Variants in RAB5A observed in about 807,000 individuals in gnomAD.
RAB5A encodes ras-related protein Rab-5A.
Under a neutral mutation model 25.7 loss-of-function variants are expected in RAB5A, and 8 were observed. The ratio of observed to expected loss-of-function variants is 0.31; its 90% confidence interval spans 0.18 to 0.56. RAB5A has a LOEUF of 0.56. Ranked by LOEUF, RAB5A falls within the 20% of genes least tolerant of loss-of-function variation. The pLI is 0.91. For missense variants in RAB5A, 192 were observed against 259.7 expected, an observed-to-expected ratio of 0.74 and a Z score of 1.79; for synonymous variants, 98 against 89.8, an observed-to-expected ratio of 1.09 and a Z score of -0.52.
intron 2 of RAB5A, among the ~76,000 whole-genome samples, chr3:19,956,634 A>G (rs1444086048): frequency 9.2e-5 from 14 of 152,230 alleles, no homozygotes; most frequent in Non-Finnish European, 1.6e-4. Context: ...TTTCAAAGTT[A>G]TTATTAACAT....
chr3:19,977,839 A>G (rs1696850103), intron 4 of RAB5A, among the ~76,000 whole-genome samples: 1 of 152,206 alleles, frequency 6.6e-6, no homozygotes, highest in Non-Finnish European at 1.5e-5. Context: ...ATGATTTATG[A>G]TATATTCAAG....
intron 2 of RAB5A, among the ~76,000 whole-genome samples, chr3:19,956,393 G>C (rs1337019918): frequency 2.0e-5 from 3 of 152,170 alleles, no homozygotes; most frequent in Non-Finnish European, 4.4e-5. Context: ...AGCGGAGGTT[G>C]CAGTGAGCCG....
chr3:19,947,980 A>C (rs1696353069), intron 1 of RAB5A: 1 of 152,224 alleles, frequency 6.6e-6, no homozygotes, highest in African/African-American at 2.4e-5. Flanking sequence ...ACCTGGGCCT[A>C]CTGCAGGTGT....
rs1696317795 is a variant in RAB5A at position 19,947,264 on chromosome 3, C to CG, written c.-350dup. 1.9e-5 allele frequency: 3 copies of CG among 160,264 alleles called. No homozygotes were observed. Among genetic ancestry groups the CG allele is most frequent in the Admixed American group, 7.4e-5 (1 of 13,450 alleles). 9.9% of individuals were successfully genotyped at this position (160,264 alleles called of 1,614,324 possible). ...GAGGAAGAATTAGTCGGAACTCCAG[C>CG]GCCGGCGGCGGCGGCGGCGGCGGAG... On this transcript the variant is annotated 5_prime_UTR_variant, in exon 1 of 6. Transcript: ENST00000273047.
intron 1 of RAB5A, among the ~76,000 whole-genome samples, chr3:19,948,574 C>T (rs1696369656): frequency 6.6e-6 from 1 of 152,190 alleles, no homozygotes. Context: ...ACAGAAGTTT[C>T]AGTAAGCAGT....
At chr3:19,975,910 A>G in intron 3 of RAB5A, 137 bp from the exon 4 acceptor site, 1 of 1,358,672 alleles carries the variant, frequency 7.4e-7, no homozygotes, top group Non-Finnish European at 9.9e-7. Context: ...AAAAAACGAA[A>G]ATGTCTCATA....
At chr3:19,956,228 G>GAGGGTGCCAGCACACTGGC (rs1364003690) in intron 2 of RAB5A, among the ~76,000 whole-genome samples, 1 of 152,134 alleles carries the variant, frequency 6.6e-6, no homozygotes, top group Non-Finnish European at 1.5e-5. Context: ...AGCACTTTGG[G>GAGGGTGCCAGCACACTGGC]AGGGTGCCAG....
intron 2 of RAB5A, among the ~76,000 whole-genome samples, chr3:19,969,902 C>G (rs1202054431): frequency 6.6e-6 from 1 of 152,308 alleles, no homozygotes; most frequent in African/African-American, 2.4e-5. Flanking sequence ...CTCCCGGGTT[C>G]AAGTGATTCT....
chr3:19,947,265 G>GT lies in RAB5A; in HGVS notation c.-350_-349insT. On this transcript the variant is annotated 5_prime_UTR_variant, in exon 1 of 6. Coordinates refer to ENST00000273047, the MANE Select transcript of RAB5A (RefSeq NM_004162.5). Reference sequence around the variant, plus strand: ...AGGAAGAATTAGTCGGAACTCCAGCGCCGGCGGCGGCGGCGGCGGCGGAGG... The same window carrying GT: ...AGGAAGAATTAGTCGGAACTCCAGCGTCCGGCGGCGGCGGCGGCGGCGGAGG... 1 of 166,676 alleles carries GT rather than the reference G, an allele frequency of 6.0e-6. No homozygotes were observed. The highest frequency in any genetic ancestry group is 8.2e-5 in the South Asian group (1 of 12,166). The allele number at this position is 166,676 out of a possible 1,614,324, so 10.3% of individuals were successfully genotyped here.
intron 2 of RAB5A, among the ~76,000 whole-genome samples, chr3:19,959,583 C>G (rs1382972657): frequency 6.6e-6 from 1 of 150,712 alleles, no homozygotes; most frequent in Admixed American, 6.6e-5. Flanking sequence ...TTTATTCTGG[C>G]TGCATTTACT....
At chr3:19,977,509 C>T (rs1696845010) in intron 4 of RAB5A, among the ~76,000 whole-genome samples, 1 of 152,170 alleles carries the variant, frequency 6.6e-6, no homozygotes, top group African/African-American at 2.4e-5. Flanking sequence ...TCCATGTATT[C>T]TTGCATCATT....
intron 2 of RAB5A, among the ~76,000 whole-genome samples, chr3:19,961,061 C>T (rs1340275049): frequency 6.6e-6 from 1 of 152,142 alleles, no homozygotes; most frequent in Non-Finnish European, 1.5e-5. Flanking sequence ...GAATTTTCTC[C>T]TCTATTGCAT....
chr3:19,949,138 A>G (rs1179902546), intron 1 of RAB5A, among the ~76,000 whole-genome samples: 2 of 152,188 alleles, frequency 1.3e-5, no homozygotes, highest in Non-Finnish European at 2.9e-5. Flanking sequence ...TAAATCTGGT[A>G]TGTTTGTGGA....
intron 5 of RAB5A, among the ~76,000 whole-genome samples, chr3:19,983,405 A>T (rs1157513080): frequency 6.6e-6 from 1 of 151,664 alleles, no homozygotes; most frequent in African/African-American, 2.4e-5. Flanking sequence ...CTTTTCTGGT[A>T]TTATTGAGTG....
intron 5 of RAB5A, among the ~76,000 whole-genome samples, chr3:19,983,378 TATAAA>T (rs2125134852): frequency 6.9e-6 from 1 of 145,942 alleles, no homozygotes; most frequent in African/African-American, 2.5e-5. Flanking sequence ...TAATAATGAG[TATAAA>T]ATAAAATAGA....
At chr3:19,975,891 G>A in intron 3 of RAB5A, 139 bp downstream of exon 3, 2 of 1,314,842 alleles carry the variant, frequency 1.5e-6, no homozygotes, top group Admixed American at 2.7e-5. Flanking sequence ...TAGAAAATCT[G>A]GTTTTAAAAA....
At chr3:19,948,048 G>A (rs1402076917) in intron 1 of RAB5A, among the ~76,000 whole-genome samples, 1 of 152,112 alleles carries the variant, frequency 6.6e-6, no homozygotes, top group Non-Finnish European at 1.5e-5. Context: ...TCGGTGGGTG[G>A]GAGGCTCGTC....
At chr3:19,953,893 G>A (rs1295702560) in intron 2 of RAB5A, among the ~76,000 whole-genome samples, 1 of 152,140 alleles carries the variant, frequency 6.6e-6, no homozygotes, top group African/African-American at 2.4e-5. Context: ...TTTAAGGTTT[G>A]AGCTATTTCA....
At chr3:19,967,806 C>A (rs2127956) in intron 2 of RAB5A, among the ~76,000 whole-genome samples, 109,163 of 151,928 alleles carry the variant, frequency 0.72, 39,889 homozygotes, top group Non-Finnish European at 0.77. Flanking sequence ...ACATTAATTG[C>A]AATGTAACTC....
Sources: gnomAD v4.1 joint callset for allele counts (sites outside exome capture counted in the v4.1 genomes callset) on GRCh38, gnomAD v4.1.1 for gene constraint, MANE v1.5 for transcripts, NCBI Gene and HGNC (gene_info 2026-07-23, HGNC 2026-07-21) for gene names.